CEP128: variants seen among roughly 807,000 people sequenced by gnomAD.
CEP128 encodes the protein centrosomal protein 128kDa.
A neutral mutation model predicts 156.7 loss-of-function variants in CEP128; 132 were observed. The ratio of observed to expected loss-of-function variants is 0.84; its 90% CI spans 0.73 to 0.97. The LOEUF (loss-of-function observed/expected upper bound fraction) is 0.97, where lower values mean the gene tolerates loss of function less well. CEP128 is among the 50% of genes least tolerant of loss of function. The pLI, the probability that CEP128 is intolerant of heterozygous loss-of-function variation, is 0.00. For missense variants in CEP128, 1,252 were observed against 1,281.9 expected, an observed-to-expected ratio of 0.98 and a Z score of 0.36; for synonymous variants, 469 against 448.9, an observed-to-expected ratio of 1.04 and a Z score of -0.57.
At chr14:80,800,971 A>G (rs1955342488) in intron 13 of CEP128, among the ~76,000 whole-genome samples, 1 of 152,232 alleles carries the variant, frequency 6.6e-6, no homozygotes, top group African/African-American at 2.4e-5. Flanking sequence ...TGAAGAAGAG[A>G]AAAGATTGGG....
Position 80,785,622 on chromosome 14 carries a change from C to A in CEP128, c.1561-77G>T. The A allele has an allele frequency of 9.6e-7, 1 of 1,042,974 alleles. No homozygotes were observed. Among genetic ancestry groups the A allele is most frequent in the Non-Finnish European group, 1.3e-6 (1 of 744,046 alleles). The allele number at this position is 1,042,974 out of a possible 1,614,324, so 64.6% of individuals were successfully genotyped here. A position where few individuals can be genotyped will look rare whatever the true frequency, so the allele number is the denominator to read the frequency against. ...ATTCACCATAGACTCTGCCAGTCAG[C>A]AAAACAATGTTTAACCCACAAGGAA... is the stretch of plus-strand genomic sequence containing the variant. On this transcript the variant is annotated intron_variant, in intron 14 of 24. Coordinates refer to ENST00000555265, the MANE Select transcript of CEP128 (RefSeq NM_152446.5).
At chr14:80,949,380 G>A (rs1886412497) in intron 2 of CEP128, among the ~76,000 whole-genome samples, 1 of 152,128 alleles carries the variant, frequency 6.6e-6, no homozygotes, top group Non-Finnish European at 1.5e-5. Context: ...TACGTAGAGA[G>A]AAAACTTCCG....
At chr14:80,762,271 T>TA (rs1900008235) in intron 16 of CEP128, among the ~76,000 whole-genome samples, 1 of 124,304 alleles carries the variant, frequency 8.0e-6, no homozygotes, top group Non-Finnish European at 1.8e-5. Context: ...TAAATCATTA[T>TA]GATTATACAG....
At chr14:80,609,560 A>G (rs1394800915) in intron 19 of CEP128, among the ~76,000 whole-genome samples, 10 of 152,286 alleles carry the variant, frequency 6.6e-5, no homozygotes, top group South Asian at 4.1e-4. Flanking sequence ...TGGGCCAAGA[A>G]CACATTTTAG....
At chr14:80,516,639 C>T (rs1888504097) in intron 23 of CEP128, among the ~76,000 whole-genome samples, 1 of 152,156 alleles carries the variant, frequency 6.6e-6, no homozygotes, top group Non-Finnish European at 1.5e-5. Context: ...GCATGATTCC[C>T]TTCTGGCTAC....
At chr14:80,887,594 CA>C (rs749544108) in intron 8 of CEP128, among the ~76,000 whole-genome samples, 20 of 152,154 alleles carry the variant, frequency 1.3e-4, no homozygotes, top group Non-Finnish European at 2.6e-4. Flanking sequence ...AACAAAGACA[CA>C]ACGTACCAGA....
chr14:80,560,811 G>C (rs1362241992), intron 20 of CEP128, among the ~76,000 whole-genome samples: 1 of 152,158 alleles, frequency 6.6e-6, no homozygotes, highest in Non-Finnish European at 1.5e-5. Context: ...GGCTTGGACT[G>C]GCTCTCCTTG....
chr14:80,597,964 AAAAAAAC>A (rs1443800969), intron 19 of CEP128, among the ~76,000 whole-genome samples: 2 of 149,850 alleles, frequency 1.3e-5, no homozygotes, highest in East Asian at 1.9e-4. Context: ...AAAAAAAAAA[AAAAAAAC>A]AAAACCCTAT....
intron 23 of CEP128, among the ~76,000 whole-genome samples, chr14:80,517,128 CT>C (rs549249917): frequency 8.8e-5 from 13 of 148,166 alleles, no homozygotes; most frequent in African/African-American, 1.2e-4. Context: ...TGTATCTTCT[CT>C]TTTTTTTTTC....
At chr14:80,684,409 C>T (rs1437883774) in intron 19 of CEP128, among the ~76,000 whole-genome samples, 1 of 151,780 alleles carries the variant, frequency 6.6e-6, no homozygotes. Flanking sequence ...TAAATTGAAA[C>T]CCTGAACAGA....
At chr14:80,868,160 G>T (rs1887861176) in intron 8 of CEP128, among the ~76,000 whole-genome samples, 1 of 152,072 alleles carries the variant, frequency 6.6e-6, no homozygotes, top group Non-Finnish European at 1.5e-5. Flanking sequence ...AAGACAAAAT[G>T]AAAGAATGCT....
At chr14:80,838,652 A>G (rs575761117) in intron 10 of CEP128, among the ~76,000 whole-genome samples, 23 of 152,170 alleles carry the variant, frequency 1.5e-4, no homozygotes, top group African/African-American at 4.8e-4. Context: ...TTCTAAGGCA[A>G]TTTTTTTCTT....
At chr14:80,638,510 T>C (rs550291422) in intron 19 of CEP128, among the ~76,000 whole-genome samples, 10 of 152,348 alleles carry the variant, frequency 6.6e-5, no homozygotes, top group Admixed American at 1.3e-4. Flanking sequence ...CTTCAGATGC[T>C]TGCTCCATTG....
chr14:80,542,322 T>A (rs1889801161), intron 21 of CEP128, among the ~76,000 whole-genome samples: 1 of 152,174 alleles, frequency 6.6e-6, no homozygotes, highest in Non-Finnish European at 1.5e-5. Context: ...TAAAACCTTA[T>A]CATAAACATA....
chr14:80,613,677 G>A (rs1040784900), intron 19 of CEP128, among the ~76,000 whole-genome samples: 5 of 151,874 alleles, frequency 3.3e-5, no homozygotes, highest in Admixed American at 6.6e-5. Context: ...TATAAGAGAT[G>A]GCCTTTTCCC....
At chr14:80,839,422 G>A (rs966193762) in intron 10 of CEP128, among the ~76,000 whole-genome samples, 7 of 152,082 alleles carry the variant, frequency 4.6e-5, no homozygotes, top group Non-Finnish European at 8.8e-5. Context: ...GGAGCCTTGT[G>A]GTGATAGAAC....
At chr14:80,748,534 A>C (rs891775223) in intron 18 of CEP128, among the ~76,000 whole-genome samples, 2 of 152,214 alleles carry the variant, frequency 1.3e-5, no homozygotes, top group African/African-American at 4.8e-5. Flanking sequence ...ACAGTACTCC[A>C]AGCAAGTGAA....
chr14:80,661,062 C>A (rs1047091396), intron 19 of CEP128, among the ~76,000 whole-genome samples: 2 of 152,160 alleles, frequency 1.3e-5, no homozygotes, highest in African/African-American at 2.4e-5. Flanking sequence ...AGTAACCCAG[C>A]GTCACTGAAG....
intron 19 of CEP128, among the ~76,000 whole-genome samples, chr14:80,643,138 C>G (rs1260137900): frequency 6.6e-6 from 1 of 152,182 alleles, no homozygotes; most frequent in African/African-American, 2.4e-5. Context: ...GATCGAAGAG[C>G]ATGAGTTCAA....
Sources: allele counts gnomAD v4.1 joint callset (sites outside exome capture counted in the v4.1 genomes callset), GRCh38; gene constraint gnomAD v4.1.1; transcripts MANE v1.5; gene names NCBI Gene and HGNC (gene_info 2026-07-23, HGNC 2026-07-21).